Variants in BTBD8 observed in about 807,000 individuals in gnomAD.
BTBD8 encodes the protein BTB domain containing 8.
A neutral mutation model predicts 162.9 loss-of-function variants in BTBD8; 110 were observed. The ratio of observed to expected loss-of-function variants is 0.68; its 90% confidence interval spans 0.58 to 0.79. BTBD8 has a LOEUF of 0.79. BTBD8 is among the 30% of genes least tolerant of loss of function. The pLI, the probability that BTBD8 is intolerant of heterozygous loss-of-function variation, is 0.00. For synonymous variants in BTBD8, 667 were observed against 716.1 expected (o/e 0.93, Z 1.10); for missense variants, 1,905 against 2,085.4 (o/e 0.91, Z 1.68).
intron 9 of BTBD8, 73 bp from the exon 10 acceptor site, chr1:92,166,885 A>T: frequency 4.3e-6 from 6 of 1,405,200 alleles, no homozygotes; most frequent in Non-Finnish European, 5.7e-6. Context: ...CAACAAAAGT[A>T]TTTGATTTGC....
At chr1:92,091,568 T>C (rs564950778) in intron 2 of BTBD8, among the ~76,000 whole-genome samples, 1 of 152,066 alleles carries the variant, frequency 6.6e-6, no homozygotes, top group South Asian at 2.1e-4. Flanking sequence ...GGAGTCTCGC[T>C]CTGTCGCCCA....
rs1748179 is a variant in BTBD8 at position 92,122,536 on chromosome 1, C to T, written c.663-7151C>T. Among the ~76,000 whole-genome samples, 291 of 151,148 alleles carry T rather than the reference C, an allele frequency of 1.9e-3. 4 individuals are homozygous for T. The highest frequency in any genetic ancestry group is 6.7e-3 in the African/African-American group (275 of 41,146). On this transcript the variant is annotated intron_variant, in intron 4 of 17. Coordinates refer to ENST00000636805, the MANE Select transcript of BTBD8 (RefSeq NM_001376131.1). ...CCTCCCAAAGTGCTGGGATTACAGG[C>T]GTGAGCCACCGCGCCTGGTCTTTTT...
intron 7 of BTBD8, among the ~76,000 whole-genome samples, chr1:92,146,450 G>A (rs492164): frequency 0.72 from 109,661 of 152,106 alleles, 40,291 homozygotes; most frequent in East Asian, 0.97. Context: ...TGAGCATACA[G>A]TTACACATTA....
chr1:92,148,275 C>T lies in BTBD8; in HGVS notation c.1122+489C>T, dbSNP rs1649971833. Reference sequence around the variant, plus strand: ...TTTGCCTCCCTTGCTCATAATGTTTCTGCCGAAACCACCATCCATGAACTT... The same window carrying T: ...TTTGCCTCCCTTGCTCATAATGTTTTTGCCGAAACCACCATCCATGAACTT... On this transcript the variant is annotated intron_variant, in intron 9 of 17. Coordinates refer to ENST00000636805, the MANE Select transcript of BTBD8 (RefSeq NM_001376131.1). Among the ~76,000 whole-genome samples the T allele has an allele frequency of 2.0e-5, 3 of 152,212 alleles. No homozygotes were observed. In the South Asian group the frequency reaches 6.2e-4, roughly 32 times the overall value.
In BTBD8 at chr1:92,180,700, C is replaced by T. The variant is rs956598222; in HGVS notation, c.3017C>T (p.Ser1006Leu). The T allele has an allele frequency of 3.2e-5, 49 of 1,551,436 alleles. No homozygotes were observed. Among genetic ancestry groups the T allele is most frequent in the African/African-American group, 2.3e-4 (17 of 73,040 alleles). Residue 1006 changes from serine (S) to leucine (L), a missense_variant, in exon 17 of 18, where the codon TCA becomes TTA. Around this residue, in one of 3 missense-constraint regions of BTBD8, gnomAD observed 1,374 missense variants for 1,442.7 expected, o/e 0.95. Coordinates refer to ENST00000636805, the MANE Select transcript of BTBD8 (RefSeq NM_001376131.1). Reference protein sequence around the residue: ...SEISDAEALQSSCRPDPQKPL... With the variant: ...SEISDAEALQLSCRPDPQKPL... ...ATAAGTGATGCAGAAGCACTCCAGT[C>T]ATCCTGCAGGCCTGACCCACAAAAG...
At chr1:92,112,207 T>G (rs1429432511) in intron 4 of BTBD8, among the ~76,000 whole-genome samples, 1 of 152,054 alleles carries the variant, frequency 6.6e-6, no homozygotes, top group African/African-American at 2.4e-5. Flanking sequence ...CCAGGGAGTT[T>G]GAGACCAGCC....
intron 14 of BTBD8, 23 bp from the exon 15 acceptor site, chr1:92,177,788 A>T: frequency 7.6e-7 from 1 of 1,310,980 alleles, no homozygotes; most frequent in African/African-American, 1.5e-5. Context: ...CTCTCTTATG[A>T]CTCACTTTTT....
At chr1:92,123,702 G>T (rs1280391065) in intron 4 of BTBD8, among the ~76,000 whole-genome samples, 1 of 150,698 alleles carries the variant, frequency 6.6e-6, no homozygotes, top group Non-Finnish European at 1.5e-5. Flanking sequence ...GCGTGAACCC[G>T]GGAGGTGGAG....
In BTBD8 at chr1:92,182,316, A is replaced by T; in HGVS notation, c.4633A>T (p.Arg1545Ter). Residue 1545 changes from arginine to a stop codon, truncating the protein, a stop_gained, in exon 17 of 18, where the codon AGA (arginine) becomes TGA (stop). Transcript: ENST00000636805. LOFTEE classifies it high-confidence loss of function. Reference sequence around the variant, plus strand: ...GAACACAATAGACGTCCTATCCAGTAGAAGCAGACAGCTTCTTCGAGAAGA... The same window carrying T: ...GAACACAATAGACGTCCTATCCAGTTGAAGCAGACAGCTTCTTCGAGAAGA... The part of the protein sequence containing the change: ...KKNTIDVLSS[R>*]SRQLLREDKK... The T allele has an allele frequency of 6.4e-7, 1 of 1,551,044 alleles. No homozygotes were observed. Among genetic ancestry groups the T allele is most frequent in the Non-Finnish European group, 8.7e-7 (1 of 1,146,808 alleles).
intron 8 of BTBD8, among the ~76,000 whole-genome samples, chr1:92,147,469 C>G (rs1649951061): frequency 6.6e-6 from 1 of 152,070 alleles, no homozygotes; most frequent in Non-Finnish European, 1.5e-5. Flanking sequence ...TTTATCTTAG[C>G]TGAACCATGG....
intron 4 of BTBD8, among the ~76,000 whole-genome samples, chr1:92,117,383 T>G (rs1649072998): frequency 6.6e-6 from 1 of 151,854 alleles, no homozygotes; most frequent in African/African-American, 2.4e-5. Context: ...TTTAAGTTAT[T>G]GTGGATCAGC....
chr1:92,139,375 A>G lies in BTBD8; in HGVS notation c.778A>G (p.Met260Val). Residue 260 changes from methionine to valine, a missense_variant, in exon 6 of 18, where the codon ATG becomes GTG. Transcript: ENST00000636805. ...QGISHVELNV[M>V]MHFIYGGTLD... ...TATAAGCCATGTAGAACTGAATGTT[A>G]TGATGCATTTTATATATGGAGGAAC... 1 of 1,592,774 alleles carries G rather than the reference A, an allele frequency of 6.3e-7. No individual in the cohort carries two copies. Among genetic ancestry groups the G allele is most frequent in the Admixed American group, 1.8e-5 (1 of 55,020 alleles).
chr1:92,146,021 A>G (rs1345264061), intron 7 of BTBD8, among the ~76,000 whole-genome samples: 1 of 152,072 alleles, frequency 6.6e-6, no homozygotes, highest in Non-Finnish European at 1.5e-5. Context: ...ATCTAATTAA[A>G]TTCTTCTTAT....
chr1:92,163,214 G>A (rs1303975057), intron 9 of BTBD8, among the ~76,000 whole-genome samples: 1 of 151,688 alleles, frequency 6.6e-6, no homozygotes, highest in Non-Finnish European at 1.5e-5. Flanking sequence ...AATTATCCGG[G>A]TGTGGTGGCA....
chr1:92,093,658 A>T (rs1487564252), intron 2 of BTBD8, among the ~76,000 whole-genome samples: 1 of 152,182 alleles, frequency 6.6e-6, no homozygotes, highest in African/African-American at 2.4e-5. Context: ...AATAATTCTT[A>T]TAGTGGTGTT....
intron 1 of BTBD8, 91 bp downstream of exon 1, chr1:92,080,811 T>G (rs1647989198): frequency 6.6e-7 from 1 of 1,518,886 alleles, no homozygotes; most frequent in Non-Finnish European, 8.8e-7. Flanking sequence ...TGCCTCCCCC[T>G]CCCTCAGCAC....
rs1649956731 is a variant in BTBD8 at position 92,147,666 on chromosome 1, ATTC to A, written c.1020-15_1020-13del. 1.3e-6 allele frequency: 2 copies of A among 1,570,768 alleles called. No homozygotes were observed. Among genetic ancestry groups the A allele is most frequent in the African/African-American group, 2.7e-5 (2 of 73,082 alleles). ...AACATCTTAATTTCTTTAACGTGGT[ATTC>A]TTTTATTTTAACAGGTGGATTGTAA... is the stretch of plus-strand genomic sequence containing the variant. On this transcript the variant is annotated splice_polypyrimidine_tract_variant and intron_variant, in intron 8 of 17. Coordinates refer to ENST00000636805, the MANE Select transcript of BTBD8 (RefSeq NM_001376131.1).
chr1:92,097,542 A>G (rs536820400), intron 2 of BTBD8, among the ~76,000 whole-genome samples: 3 of 152,098 alleles, frequency 2.0e-5, no homozygotes, highest in East Asian at 3.9e-4. Context: ...AGCCACCCCT[A>G]TTTCCTCCTT....
At chr1:92,083,075 G>T (rs1172869826) in intron 1 of BTBD8, among the ~76,000 whole-genome samples, 1 of 151,584 alleles carries the variant, frequency 6.6e-6, no homozygotes, top group Non-Finnish European at 1.5e-5. Context: ...GGTGGAGATT[G>T]CAGTGAGCTG....
Sources: gnomAD v4.1 joint callset for allele counts (sites outside exome capture counted in the v4.1 genomes callset) on GRCh38, gnomAD v4.1.1 for gene constraint, gnomAD v4.1.1 regional missense constraint, MANE v1.5 for transcripts, NCBI Gene and HGNC (gene_info 2026-07-23, HGNC 2026-07-21) for gene names.